PXDNL: variants seen among roughly 807,000 people sequenced by gnomAD.
The protein encoded by PXDNL is probable oxidoreductase PXDNL.
Under a neutral mutation model 150.8 loss-of-function variants are expected in PXDNL, and 145 were observed. That is an observed-to-expected ratio of 0.96 (90% CI 0.84 to 1.10). PXDNL has a LOEUF of 1.10. PXDNL is among the 50% of genes least tolerant of loss of function. The probability of loss-of-function intolerance (pLI) is 0.00; values close to 1 mark genes in which losing one functional copy is unlikely to be tolerated. For synonymous variants in PXDNL, 757 were observed against 725.7 expected (o/e 1.04, Z -0.69); for missense variants, 2,087 against 1,873.9 (o/e 1.11, Z -2.10).
intron 1 of PXDNL, among the ~76,000 whole-genome samples, chr8:51,777,481 G>A (rs569447449): frequency 7.1e-4 from 108 of 152,362 alleles, no homozygotes; most frequent in Non-Finnish European, 1.1e-3. Context: ...GCCATTCACA[G>A]AAAGTGGTCC....
rs2037712038 is a variant in PXDNL at position 51,809,402 on chromosome 8, G to C, written c.-58C>G. On this transcript the variant is annotated 5_prime_UTR_variant, in exon 1 of 23. Coordinates refer to ENST00000356297, the MANE Select transcript of PXDNL (RefSeq NM_144651.5). The stretch of plus-strand genomic sequence containing the variant: ...AGCCGGAGGGAGAGCAGCAGCTGCA[G>C]CTGCAGCAGCAACCGCAGTGGTGGT... 2.7e-6 allele frequency: 4 copies of C among 1,459,950 alleles called. No homozygotes were observed. Among genetic ancestry groups the C allele is most frequent in the Non-Finnish European group, 3.6e-6 (4 of 1,102,650 alleles). The allele number at this position is 1,459,950 out of a possible 1,614,324, so 90.4% of individuals were successfully genotyped here. A position where few individuals can be genotyped will look rare whatever the true frequency, so the allele number is the denominator to read the frequency against.
At chr8:51,804,209 G>A (rs1585763405) in intron 1 of PXDNL, among the ~76,000 whole-genome samples, 1 of 152,194 alleles carries the variant, frequency 6.6e-6, no homozygotes, top group South Asian at 2.1e-4. Context: ...GGGGCTTCTA[G>A]GTCATACATA....
chr8:51,683,568 C>A (rs777343528), intron 1 of PXDNL, among the ~76,000 whole-genome samples: 1 of 152,066 alleles, frequency 6.6e-6, no homozygotes, highest in Non-Finnish European at 1.5e-5. Flanking sequence ...CAGAGATCTG[C>A]TGTACAACAT....
At chr8:51,783,045 A>C (rs1475203453) in intron 1 of PXDNL, among the ~76,000 whole-genome samples, 1 of 152,216 alleles carries the variant, frequency 6.6e-6, no homozygotes, top group Non-Finnish European at 1.5e-5. Flanking sequence ...AATTGTATAA[A>C]ATTTGAGTTA....
At chr8:51,472,082 G>A (rs982040487) in intron 8 of PXDNL, 105 bp downstream of exon 8, 90 of 691,558 alleles carry the variant, frequency 1.3e-4, no homozygotes, top group Non-Finnish European at 1.6e-4. Context: ...AAGAAACTCT[G>A]AAAATTTTAG....
chr8:51,388,727 A>C (rs1387573350), intron 17 of PXDNL, among the ~76,000 whole-genome samples: 2 of 151,860 alleles, frequency 1.3e-5, no homozygotes, highest in African/African-American at 4.8e-5. Flanking sequence ...TTTTCTCCCT[A>C]TCTCTAAATC....
At chr8:51,605,114 T>C (rs1260356365) in intron 2 of PXDNL, among the ~76,000 whole-genome samples, 1 of 152,198 alleles carries the variant, frequency 6.6e-6, no homozygotes, top group Non-Finnish European at 1.5e-5. Flanking sequence ...TTTTCTTATA[T>C]TATTGCCTTG....
At chr8:51,538,484 G>A (rs753585574) in intron 4 of PXDNL, among the ~76,000 whole-genome samples, 2 of 151,900 alleles carry the variant, frequency 1.3e-5, no homozygotes, top group Admixed American at 6.6e-5. Flanking sequence ...AAAATAAATC[G>A]GCCGGGTGCA....
intron 9 of PXDNL, among the ~76,000 whole-genome samples, chr8:51,454,128 T>C (rs542595848): frequency 5.9e-5 from 9 of 152,290 alleles, no homozygotes; most frequent in African/African-American, 2.2e-4. Context: ...AAACACAGTT[T>C]AGGCACATGT....
intron 1 of PXDNL, among the ~76,000 whole-genome samples, chr8:51,661,695 C>T (rs933746884): frequency 3.9e-5 from 6 of 152,162 alleles, no homozygotes; most frequent in Admixed American, 6.5e-5. Flanking sequence ...ACACGCACAT[C>T]GCCTGCTCCC....
intron 2 of PXDNL, among the ~76,000 whole-genome samples, chr8:51,642,824 G>T (rs1245705130): frequency 6.6e-6 from 1 of 152,168 alleles, no homozygotes; most frequent in Non-Finnish European, 1.5e-5. Flanking sequence ...TCCTTAAGCT[G>T]ATAAACAACT....
Position 51,408,410 on chromosome 8 carries a change from C to A in PXDNL, c.3214G>T (p.Gly1072Cys), listed in dbSNP as rs1363826665. ...PILYRLNATL[G>C]EISEGHLPFH... ...GGAAGGTGGCCTTCGGAAATTTCACCTAAGGTGGCATTCAGTCGGTAAAGA... is the reference window on the plus strand; with the variant it reads ...GGAAGGTGGCCTTCGGAAATTTCACATAAGGTGGCATTCAGTCGGTAAAGA... The change falls in exon 17 of 23, where the codon GGT becomes TGT. Residue 1072 changes from glycine (G) to cysteine (C), a missense_variant. Physicochemically the swap from Gly to Cys is radical, Grantham distance 159 (BLOSUM62 -3). Coordinates refer to ENST00000356297, the MANE Select transcript of PXDNL (RefSeq NM_144651.5). 1.2e-6 allele frequency: 2 copies of A among 1,613,922 alleles called. No homozygotes were observed. Among genetic ancestry groups the A allele is most frequent in the South Asian group, 1.1e-5 (1 of 91,090 alleles).
chr8:51,638,254 T>C (rs923201832), intron 2 of PXDNL, among the ~76,000 whole-genome samples: 1 of 152,036 alleles, frequency 6.6e-6, no homozygotes, highest in African/African-American at 2.4e-5. Flanking sequence ...ACATGCCAAA[T>C]TGTAAAGACC....
chr8:51,492,872 C>T (rs1050624467), intron 5 of PXDNL, among the ~76,000 whole-genome samples: 1 of 152,174 alleles, frequency 6.6e-6, no homozygotes, highest in Non-Finnish European at 1.5e-5. Flanking sequence ...CATAGCCAAA[C>T]AAAAGGCAGC....
At chr8:51,776,318 C>G (rs779206367) in intron 1 of PXDNL, among the ~76,000 whole-genome samples, 1 of 152,124 alleles carries the variant, frequency 6.6e-6, no homozygotes, top group Admixed American at 6.5e-5. Flanking sequence ...CGTATACTCC[C>G]TCCCCTTTTG....
At chr8:51,430,976 C>A (rs886514333) in intron 12 of PXDNL, among the ~76,000 whole-genome samples, 2 of 152,068 alleles carry the variant, frequency 1.3e-5, no homozygotes, top group Admixed American at 1.3e-4. Flanking sequence ...CTTGGAATAC[C>A]CTTCTCCTAC....
chr8:51,569,158 T>C (rs571959443), intron 3 of PXDNL, among the ~76,000 whole-genome samples: 6 of 151,848 alleles, frequency 4.0e-5, no homozygotes, highest in Middle Eastern at 3.4e-3. Flanking sequence ...ACTTTCCTTA[T>C]AATTTTTTTA....
intron 1 of PXDNL, among the ~76,000 whole-genome samples, chr8:51,703,459 G>T (rs150963945): frequency 1.3e-5 from 2 of 152,208 alleles, no homozygotes; most frequent in African/African-American, 4.8e-5. Flanking sequence ...CAGTACAATC[G>T]TATCTTTGCC....
intron 4 of PXDNL, among the ~76,000 whole-genome samples, chr8:51,520,532 G>A (rs918895506): frequency 1.3e-5 from 2 of 151,948 alleles, no homozygotes; most frequent in African/African-American, 2.4e-5. Context: ...ATCCGAGGAC[G>A]GCCACCCACC....
Sources: allele counts gnomAD v4.1 joint callset (sites outside exome capture counted in the v4.1 genomes callset), GRCh38; gene constraint gnomAD v4.1.1; transcripts MANE v1.5; gene names NCBI Gene and HGNC (gene_info 2026-07-23, HGNC 2026-07-21).